Variants in SARS1 observed in about 807,000 individuals in gnomAD.
The protein encoded by SARS1 is seryl-tRNA synthetase 1.
Under a neutral mutation model 63.7 loss-of-function variants are expected in SARS1, and 25 were observed. That is an observed-to-expected ratio of 0.39 (90% CI 0.29 to 0.55). SARS1 has a LOEUF of 0.55. SARS1 is among the 20% of genes least tolerant of loss of function. The probability of loss-of-function intolerance (pLI) is 0.62; values close to 1 mark genes in which losing one functional copy is unlikely to be tolerated. For synonymous variants in SARS1, 231 were observed against 243.5 expected, an observed-to-expected ratio of 0.95 and a Z score of 0.48; for missense variants, 417 against 649.7, an observed-to-expected ratio of 0.64 and a Z score of 3.89.
At chr1:109,227,247 C>G (rs1655110890) in intron 2 of SARS1, among the ~76,000 whole-genome samples, 1 of 152,128 alleles carries the variant, frequency 6.6e-6, no homozygotes, top group African/African-American at 2.4e-5. Flanking sequence ...CCCACCTCAG[C>G]CTCCCAAAGT....
At position 109,231,714 on chromosome 1, in the gene SARS1, C is replaced by T; in HGVS notation, c.675C>T (p.Thr225=). 2 of 1,597,614 alleles carry T rather than the reference C, an allele frequency of 1.3e-6. No individual in the cohort carries two copies. The highest frequency in any genetic ancestry group is 8.5e-7 in the Non-Finnish European group (1 of 1,172,826). Residue 225 remains threonine (T), a synonymous_variant, in exon 6 of 11, where the codon ACC becomes ACT. Transcript: ENST00000234677. The part of the protein sequence containing the change: ...LGSRGYIPIY[T]PFFMRKEVMQ... Reference sequence around the variant, plus strand: ...GTCGGGGCTACATTCCCATTTATACCCCCTTTTTCATGAGGAAGGAGGTCA... The same window carrying T: ...GTCGGGGCTACATTCCCATTTATACTCCCTTTTTCATGAGGAAGGAGGTCA...
rs1284370362 is a variant in SARS1 at position 109,237,922 on chromosome 1, T to G, written c.*34T>G. ...GCCTCCCTATTTGCCAGGCTTTCAT[T>G]TCTGTCTGCTGAGATCTCAGAGCCT... On this transcript the variant is annotated 3_prime_UTR_variant, in exon 11 of 11. Coordinates refer to ENST00000234677, the MANE Select transcript of SARS1 (RefSeq NM_006513.4). The surrounding 1 kb of genome is among the most constrained non-coding windows in gnomAD (Gnocchi z 4.1). 1 of 1,610,190 alleles carries G rather than the reference T, an allele frequency of 6.2e-7. No homozygotes were observed. The highest frequency in any genetic ancestry group is 1.3e-5 in the African/African-American group (1 of 74,786).
chr1:109,221,984 ATATATATATATATATATATATATATATT>A (rs1654940523), intron 1 of SARS1, among the ~76,000 whole-genome samples: 1 of 2,422 alleles, frequency 4.1e-4, no homozygotes, highest in African/African-American at 6.5e-4. Context: ...ATATATATAT[ATATATATATATATATATATATATATATT>A]TTTTTTTTTT....
In SARS1 at chr1:109,214,814, C is replaced by T. The variant is rs1654748290; in HGVS notation, c.136+686C>T. ...TTTAATTGTGATTTGTGGACGTTTT[C>T]CTTTAAAGACATTGGCAGAGTTGGG... On this transcript the variant is annotated intron_variant, in intron 1 of 10. Transcript: ENST00000234677. The surrounding 1 kb of genome is among the most constrained non-coding windows in gnomAD (Gnocchi z 4.6). The T allele has an allele frequency of 1.0e-6, 1 of 985,450 alleles. No individual in the cohort carries two copies. The highest frequency in any genetic ancestry group is 1.2e-6 in the Non-Finnish European group (1 of 829,954). The allele number at this position is 985,450 out of a possible 1,614,324, so 61.0% of individuals were successfully genotyped here.
intron 5 of SARS1, chr1:109,231,241 A>G: frequency 3.6e-6 from 1 of 279,754 alleles, no homozygotes. Flanking sequence ...AAAGCCACTA[A>G]GTGGTCCTCC....
At position 109,233,862 on chromosome 1, in the gene SARS1, A is replaced by ATTTTTT. The variant is rs1164453054; in HGVS notation, c.748-1328_748-1323dup. 1.2e-3 allele frequency among the ~76,000 whole-genome samples: 77 copies of ATTTTTT among 65,986 alleles called. 3 individuals are homozygous for ATTTTTT. Among genetic ancestry groups the ATTTTTT allele is most frequent in the Non-Finnish European group, 1.5e-3 (54 of 36,700 alleles). 43.3% of individuals were successfully genotyped at this position (65,986 alleles called of 152,430 possible). On this transcript the variant is annotated intron_variant, in intron 6 of 10. Transcript: ENST00000234677. ...CAGGCGTCGCCACCACACCTGGCTAATTTTTTTTTTTTTTTTTTTTTTTTT... is the reference window on the plus strand; with the variant it reads ...CAGGCGTCGCCACCACACCTGGCTAATTTTTTTTTTTTTTTTTTTTTTTTTTTTTTT...
intron 1 of SARS1, among the ~76,000 whole-genome samples, chr1:109,218,527 A>G (rs1166184117): frequency 6.6e-6 from 1 of 152,066 alleles, no homozygotes; most frequent in East Asian, 1.9e-4. Context: ...TGGTATTAAA[A>G]GCTACTATAT....
In SARS1 at chr1:109,214,721, C is replaced by A. The variant is rs1320610060; in HGVS notation, c.136+593C>A. 9 of 985,342 alleles carry A rather than the reference C, an allele frequency of 9.1e-6. No homozygotes were observed. The Admixed American group carries it at 1.8e-4, about 20-fold the overall frequency. 61.0% of individuals were successfully genotyped at this position (985,342 alleles called of 1,614,324 possible). A position where few individuals can be genotyped will look rare whatever the true frequency, so the allele number is the denominator to read the frequency against. ...GCATACCTTTAAGAATTAGAAAAGT[C>A]TTTTCCGTGGTAGATCAAACGCGAG... On this transcript the variant is annotated intron_variant, in intron 1 of 10. Coordinates refer to ENST00000234677, the MANE Select transcript of SARS1 (RefSeq NM_006513.4). This position sits in a 1 kb window ranked among gnomAD's most constrained non-coding sequence, Gnocchi z 4.6.
chr1:109,227,059 G>A (rs908844829), intron 2 of SARS1, among the ~76,000 whole-genome samples: 1 of 144,378 alleles, frequency 6.9e-6, no homozygotes, highest in African/African-American at 2.6e-5. Context: ...GCAGTGGTGT[G>A]ATCTCAGCTC....
Position 109,235,802 on chromosome 1 carries a change from G to A in SARS1, c.970-175G>A, listed in dbSNP as rs910618611. The stretch of plus-strand genomic sequence containing the variant: ...TCAGAACAGGGGCTGGCATGCATAC[G>A]GGAAGCTCGCACCATAAGCATTTGC... On this transcript the variant is annotated intron_variant, in intron 7 of 10. Coordinates refer to ENST00000234677, the MANE Select transcript of SARS1 (RefSeq NM_006513.4). This position sits in a 1 kb window ranked among gnomAD's most constrained non-coding sequence, Gnocchi z 4.7. 7.2e-5 allele frequency among the ~76,000 whole-genome samples: 11 copies of A among 152,158 alleles called. No homozygotes were observed. Among genetic ancestry groups the A allele is most frequent in the African/African-American group, 2.7e-4 (11 of 41,430 alleles).
At chr1:109,217,195 C>T in intron 1 of SARS1, 2 of 899,458 alleles carry the variant, frequency 2.2e-6, no homozygotes, top group Non-Finnish European at 2.7e-6. Flanking sequence ...GTTTATGTCC[C>T]AATAAATCCA....
In SARS1 at chr1:109,218,342, G is replaced by A. The variant is rs183218451; in HGVS notation, c.136+4214G>A. On this transcript the variant is annotated intron_variant, in intron 1 of 10. Coordinates refer to ENST00000234677, the MANE Select transcript of SARS1 (RefSeq NM_006513.4). ...AGATCGTGCCATTGCACTCCAGCCTGGGGGACAAGGTGAGACTTCATCTGA... is the reference window on the plus strand; with the variant it reads ...AGATCGTGCCATTGCACTCCAGCCTAGGGGACAAGGTGAGACTTCATCTGA... Among the ~76,000 whole-genome samples the A allele has an allele frequency of 2.4e-3, 363 of 150,810 alleles. 4 individuals are homozygous for A. The highest frequency in any genetic ancestry group is 0.01 in the Middle Eastern group (3 of 294).
chr1:109,231,083 A>ATTT, intron 5 of SARS1, 62 bp downstream of exon 5: 3 of 680,190 alleles, frequency 4.4e-6, no homozygotes, highest in East Asian at 1.2e-4. Flanking sequence ...ATATATATAT[A>ATTT]TTTTTTTTTT....
chr1:109,220,071 T>C (rs1429951088), intron 1 of SARS1, among the ~76,000 whole-genome samples: 1 of 152,238 alleles, frequency 6.6e-6, no homozygotes, highest in African/African-American at 2.4e-5. Flanking sequence ...ATTTATAGGG[T>C]ACAATGTAAT....
chr1:109,234,626 G>A (rs1470566127), intron 6 of SARS1, among the ~76,000 whole-genome samples: 1 of 152,178 alleles, frequency 6.6e-6, no homozygotes, highest in Non-Finnish European at 1.5e-5. Flanking sequence ...TTGCATACCT[G>A]CCAGCATTGA....
intron 6 of SARS1, among the ~76,000 whole-genome samples, chr1:109,233,258 G>A (rs1450488187): frequency 1.3e-5 from 2 of 151,814 alleles, no homozygotes; most frequent in Admixed American, 6.6e-5. Context: ...CAATCCATCC[G>A]CCTCAGCCTT....
chr1:109,231,797 TG>T lies in SARS1; in HGVS notation c.747+14del, dbSNP rs1251775909. ...GAAGAACTTTATAAGGTGAGTAGCC[TG>T]GGTCAGGTGACAGAATGACTTCTTA... On this transcript the variant is annotated intron_variant, in intron 6 of 10. Transcript: ENST00000234677. 2 of 1,506,282 alleles carry T rather than the reference TG, an allele frequency of 1.3e-6. No homozygotes were observed. The highest frequency in any genetic ancestry group is 1.8e-6 in the Non-Finnish European group (2 of 1,128,282). 93.3% of individuals were successfully genotyped at this position (1,506,282 alleles called of 1,614,324 possible). A position where few individuals can be genotyped will look rare whatever the true frequency, so the allele number is the denominator to read the frequency against.
chr1:109,216,669 G>T, intron 1 of SARS1: 3 of 829,292 alleles, frequency 3.6e-6, no homozygotes, highest in Non-Finnish European at 4.4e-6. Flanking sequence ...AGGTCTCACT[G>T]TGTCACCCAG....
intron 1 of SARS1, 64 bp from the exon 2 acceptor site, chr1:109,223,914 A>G (rs1655011944): frequency 8.2e-7 from 1 of 1,217,228 alleles, no homozygotes; most frequent in Non-Finnish European, 1.2e-6. Flanking sequence ...AGTCAAGATC[A>G]GGAGAAAGGA....
Sources: gnomAD v4.1 joint callset for allele counts (sites outside exome capture counted in the v4.1 genomes callset) on GRCh38, gnomAD v4.1.1 for gene constraint, Gnocchi (gnomAD v3.1) non-coding constraint, MANE v1.5 for transcripts, NCBI Gene and HGNC (gene_info 2026-07-23, HGNC 2026-07-21) for gene names.